The following SLC13A3 variants were observed in gnomAD, a reference collection of about 807,000 sequenced individuals.
SLC13A3 encodes Na(+)/dicarboxylate cotransporter 3.
In SLC13A3, 40 loss-of-function variants were observed where a neutral mutation model predicts 59.0. The ratio of observed to expected loss-of-function variants is 0.68; its 90% confidence interval spans 0.53 to 0.88. The LOEUF (loss-of-function observed/expected upper bound fraction) is 0.88. SLC13A3 is among the 40% of genes least tolerant of loss of function. The probability of loss-of-function intolerance (pLI) is 0.00; values close to 1 mark genes in which losing one functional copy is unlikely to be tolerated. For synonymous variants in SLC13A3, 317 were observed against 330.3 expected (o/e 0.96, Z 0.44); for missense variants, 699 against 783.2 (o/e 0.89, Z 1.28).
chr20:46,614,398 C>T (rs1206018099), intron 1 of SLC13A3, among the ~76,000 whole-genome samples: 2 of 152,196 alleles, frequency 1.3e-5, no homozygotes, highest in Non-Finnish European at 2.9e-5. Context: ...TTCAGCACTT[C>T]CGGCATCCTT....
At chr20:46,612,624 G>C (rs192124514) in intron 2 of SLC13A3, among the ~76,000 whole-genome samples, 3 of 151,576 alleles carry the variant, frequency 2.0e-5, no homozygotes, top group Non-Finnish European at 4.4e-5. Flanking sequence ...AAAAAAATTA[G>C]ATAATTGCAT....
chr20:46,655,832 C>G (rs941370269), upstream of SLC13A3, among the ~76,000 whole-genome samples: 1 of 134,948 alleles, frequency 7.4e-6, no homozygotes, highest in Non-Finnish European at 1.6e-5. Context: ...ATATACTATA[C>G]AGTATATATT....
intron 1 of SLC13A3, among the ~76,000 whole-genome samples, chr20:46,647,313 G>C (rs2062904995): frequency 6.6e-6 from 1 of 152,072 alleles, no homozygotes; most frequent in African/African-American, 2.4e-5. Flanking sequence ...TTGGACAGGT[G>C]GTCAGTATCA....
chr20:46,669,104 TAC>T (rs1448983071), intron 1 of SLC13A3, among the ~76,000 whole-genome samples: 2 of 152,300 alleles, frequency 1.3e-5, no homozygotes, highest in Non-Finnish European at 2.9e-5. Flanking sequence ...ATCCCAATGA[TAC>T]ACACTGCTAC....
chr20:46,633,972 T>A (rs888412547), intron 1 of SLC13A3, among the ~76,000 whole-genome samples: 1 of 152,228 alleles, frequency 6.6e-6, no homozygotes, highest in African/African-American at 2.4e-5. Flanking sequence ...TAGCAAGGGA[T>A]GGAGCCACGA....
At chr20:46,583,807 T>C in intron 8 of SLC13A3, 138 bp from the exon 9 acceptor site, 1 of 1,481,474 alleles carries the variant, frequency 6.8e-7, no homozygotes, top group Non-Finnish European at 9.0e-7. Context: ...GGCCACTGGA[T>C]TCTGTCCTTC....
intron 1 of SLC13A3, among the ~76,000 whole-genome samples, chr20:46,639,217 G>A (rs888613914): frequency 1.3e-5 from 2 of 151,936 alleles, no homozygotes; most frequent in African/African-American, 4.8e-5. Context: ...GTTAAGGGCA[G>A]GGGGGTGGGG....
chr20:46,649,250 T>C (rs768079026), intron 1 of SLC13A3, among the ~76,000 whole-genome samples: 9 of 152,146 alleles, frequency 5.9e-5, no homozygotes, highest in Non-Finnish European at 8.8e-5. Context: ...CTGTTATCTC[T>C]CCCTGCTTTC....
At chr20:46,657,156 A>C (rs964035761) in intron 1 of SLC13A3, among the ~76,000 whole-genome samples, 8 of 152,072 alleles carry the variant, frequency 5.3e-5, no homozygotes, top group African/African-American at 1.7e-4. Context: ...TTGAAAAAAA[A>C]CTTTTATCAT....
chr20:46,605,947 G>A (rs1211264529), intron 3 of SLC13A3, among the ~76,000 whole-genome samples: 1 of 152,218 alleles, frequency 6.6e-6, no homozygotes, highest in Non-Finnish European at 1.5e-5. Context: ...GTCAGCCTAA[G>A]TAGTAAGGAT....
intron 1 of SLC13A3, among the ~76,000 whole-genome samples, chr20:46,683,307 T>C (rs540296920): frequency 1.3e-5 from 2 of 152,346 alleles, no homozygotes; most frequent in East Asian, 3.9e-4. Flanking sequence ...AGCTGGAAGC[T>C]TGCACGGGGG....
chr20:46,589,182 A>T lies in SLC13A3; in HGVS notation c.994T>A (p.Tyr332Asn), dbSNP rs767576995. The change falls in exon 7 of 13, where the codon TAC becomes AAC. Residue 332 changes from tyrosine (Y) to asparagine (N), a missense_variant. Transcript: ENST00000279027. ...DRARAVIREE[Y>N]QNLGPIKFAE... ...TACTTGATGGGCCCCAGGTTCTGGT[A>T]TTCTTCCCGAATTACAGCTCGAGCC... 1.2e-5 allele frequency: 20 copies of T among 1,614,128 alleles called. 1 individual carries two copies. The South Asian group carries it at 1.9e-4, about 15-fold the overall frequency.
At chr20:46,627,592 A>G (rs981858348) in intron 1 of SLC13A3, among the ~76,000 whole-genome samples, 1 of 151,532 alleles carries the variant, frequency 6.6e-6, no homozygotes, top group South Asian at 2.1e-4. Flanking sequence ...GTTTTAAAAG[A>G]TTTGCTCATT....
intron 4 of SLC13A3, among the ~76,000 whole-genome samples, chr20:46,597,535 CA>C (rs1180471969): frequency 6.6e-6 from 1 of 152,146 alleles, no homozygotes; most frequent in Admixed American, 6.5e-5. Flanking sequence ...CTCCCGGGTT[CA>C]AGCGATTCTC....
chr20:46,600,261 GA>G (rs71183207), intron 3 of SLC13A3, among the ~76,000 whole-genome samples: 20,538 of 135,526 alleles, frequency 0.15, 1,903 homozygotes, highest in East Asian at 0.36. Flanking sequence ...AGGAAGGAAG[GA>G]AAGGAAAGGA....
At chr20:46,661,995 T>C (rs1334480625) in intron 1 of SLC13A3, among the ~76,000 whole-genome samples, 1 of 152,160 alleles carries the variant, frequency 6.6e-6, no homozygotes, top group Non-Finnish European at 1.5e-5. Flanking sequence ...TTCAGACCTA[T>C]TCAGTGAGTA....
At chr20:46,662,525 T>C (rs1392958266) in intron 1 of SLC13A3, among the ~76,000 whole-genome samples, 1 of 152,216 alleles carries the variant, frequency 6.6e-6, no homozygotes, top group Non-Finnish European at 1.5e-5. Flanking sequence ...GTACCCGATA[T>C]AGCAGACGAA....
chr20:46,639,870 A>G (rs2062830258), intron 1 of SLC13A3, among the ~76,000 whole-genome samples: 1 of 152,186 alleles, frequency 6.6e-6, no homozygotes, highest in African/African-American at 2.4e-5. Flanking sequence ...TCTGGGTCAT[A>G]CTGCATGGCT....
chr20:46,597,489 T>C (rs756283472), intron 4 of SLC13A3, among the ~76,000 whole-genome samples: 5 of 152,200 alleles, frequency 3.3e-5, no homozygotes, highest in Non-Finnish European at 5.9e-5. Flanking sequence ...CAGGCTAGAG[T>C]GCAATGGCAT....
Sources: allele counts gnomAD v4.1 joint callset (sites outside exome capture counted in the v4.1 genomes callset), GRCh38; gene constraint gnomAD v4.1.1; transcripts MANE v1.5; gene names NCBI Gene and HGNC (gene_info 2026-07-23, HGNC 2026-07-21).